Variants in HERC4 observed in about 807,000 individuals in gnomAD.
HERC4 encodes the protein probable E3 ubiquitin-protein ligase HERC4.
HERC4 carries 28 observed loss-of-function variants against 124.3 expected under a neutral mutation model. The ratio of observed to expected loss-of-function variants is 0.23; its 90% CI spans 0.17 to 0.31. HERC4 has a LOEUF of 0.31. Ranked by LOEUF, HERC4 falls within the 10% of genes least tolerant of loss-of-function variation. The probability of loss-of-function intolerance (pLI) is 1.00; values close to 1 mark genes in which losing one functional copy is unlikely to be tolerated. For missense variants in HERC4, 713 were observed against 1,229.3 expected (o/e 0.58, Z 6.28); for synonymous variants, 407 against 421.5 (o/e 0.97, Z 0.42).
chr10:67,959,624 T>C (rs2034373203), intron 16 of HERC4, among the ~76,000 whole-genome samples: 1 of 152,150 alleles, frequency 6.6e-6, no homozygotes, highest in South Asian at 2.1e-4. Flanking sequence ...ATAAATTGTT[T>C]TTATTTGACA....
intron 23 of HERC4, among the ~76,000 whole-genome samples, chr10:67,926,116 C>T (rs759587641): frequency 1.3e-5 from 2 of 152,150 alleles, no homozygotes; most frequent in African/African-American, 4.8e-5. Context: ...TAGTACTGGC[C>T]GGGCGCGGTG....
intron 16 of HERC4, chr10:67,959,077 T>C: frequency 6.4e-7 from 1 of 1,569,634 alleles, no homozygotes; most frequent in Non-Finnish European, 8.7e-7. Context: ...GGAGTATATT[T>C]TACTCTAAAC....
chr10:68,042,041 G>A (rs901430736), intron 4 of HERC4, among the ~76,000 whole-genome samples: 1 of 152,014 alleles, frequency 6.6e-6, no homozygotes, highest in African/African-American at 2.4e-5. Context: ...TTTTGAGATG[G>A]AGTCTCGCTC....
At position 67,922,048 on chromosome 10, in the gene HERC4, AAGCATC is replaced by A. The variant is rs1475829937; in HGVS notation, c.*877_*882del. The A allele has an allele frequency of 6.6e-6, 1 of 152,228 alleles. No homozygotes were observed. Among genetic ancestry groups the A allele is most frequent in the Non-Finnish European group, 1.5e-5 (1 of 68,034 alleles). The allele number at this position is 152,228 out of a possible 1,614,324, so 9.4% of individuals were successfully genotyped here. The stretch of plus-strand genomic sequence containing the variant: ...TACAATTTAATGGCATGAGACAACT[AAGCATC>A]AGCACCATAAAACTGTTAAGATTTG... On this transcript the variant is annotated 3_prime_UTR_variant, in exon 25 of 25. Transcript: ENST00000373700.
chr10:67,937,795 C>T (rs553338427), intron 21 of HERC4, among the ~76,000 whole-genome samples: 1 of 151,730 alleles, frequency 6.6e-6, no homozygotes, highest in South Asian at 2.1e-4. Context: ...ATTCTCCTGC[C>T]TCAGCCTCCC....
intron 19 of HERC4, among the ~76,000 whole-genome samples, chr10:67,946,380 C>CACACAT (rs1396932262): frequency 1.3e-5 from 2 of 150,950 alleles, no homozygotes; most frequent in Non-Finnish European, 3.0e-5. Context: ...CACACACACA[C>CACACAT]ACACACACAC....
chr10:67,957,754 A>G (rs1375937313), intron 16 of HERC4, among the ~76,000 whole-genome samples: 3 of 152,150 alleles, frequency 2.0e-5, no homozygotes, highest in Non-Finnish European at 4.4e-5. Context: ...AAGAATTAAT[A>G]CACCCTAAAA....
At chr10:67,925,267 T>C (rs1180265761) in intron 23 of HERC4, 80 bp from the exon 24 acceptor site, 1 of 738,298 alleles carries the variant, frequency 1.4e-6, no homozygotes, top group Non-Finnish European at 2.3e-6. Context: ...CATGGTCCAG[T>C]AGTTTGCAAC....
chr10:68,011,388 A>G (rs936655631), intron 9 of HERC4, among the ~76,000 whole-genome samples: 7 of 152,344 alleles, frequency 4.6e-5, no homozygotes, highest in South Asian at 4.1e-4. Flanking sequence ...AGGAATCACT[A>G]TATGTGGTAA....
intron 4 of HERC4, among the ~76,000 whole-genome samples, chr10:68,041,381 A>G (rs2039760029): frequency 1.3e-5 from 2 of 152,168 alleles, no homozygotes; most frequent in African/African-American, 4.8e-5. Context: ...GACCTACTCT[A>G]TACCATTAAA....
intron 21 of HERC4, among the ~76,000 whole-genome samples, chr10:67,937,032 G>T (rs2032424559): frequency 6.6e-6 from 1 of 152,146 alleles, no homozygotes; most frequent in Non-Finnish European, 1.5e-5. Context: ...TAAACTAGAG[G>T]AAGTGTGAAA....
chr10:67,923,138 T>C lies in HERC4; in HGVS notation c.2943A>G (p.Leu981=), dbSNP rs1178717662. 12 of 1,610,114 alleles carry C rather than the reference T, an allele frequency of 7.5e-6. No homozygotes were observed. The highest frequency in any genetic ancestry group is 1.0e-5 in the Non-Finnish European group (12 of 1,178,134). The change falls in exon 25 of 25, where the codon TTA becomes TTG. Residue 981 remains leucine, a splice_region_variant and synonymous_variant. Transcript: ENST00000373700. ...GAATGCGATCACTACCTGTCAAAAA[T>C]ACTGCCAAGAAAGAAATCATTCAGT... ...LPLEKKKQFL[L]FLTGSDRIPI...
At chr10:67,985,035 G>T (rs1459358327) in intron 15 of HERC4, among the ~76,000 whole-genome samples, 1 of 152,134 alleles carries the variant, frequency 6.6e-6, no homozygotes, top group Non-Finnish European at 1.5e-5. Flanking sequence ...ATACGTTTTT[G>T]AAAAGAAATG....
intron 8 of HERC4, 86 bp from the exon 9 acceptor site, chr10:68,014,272 G>T: frequency 8.2e-7 from 1 of 1,220,810 alleles, no homozygotes; most frequent in African/African-American, 1.5e-5. Context: ...ATCAAAAGAG[G>T]TAATTTTTCT....
intron 19 of HERC4, among the ~76,000 whole-genome samples, chr10:67,948,837 C>T (rs1313963057): frequency 6.6e-6 from 1 of 152,084 alleles, no homozygotes; most frequent in Non-Finnish European, 1.5e-5. Context: ...ACAAGAATGG[C>T]TTGAACATGG....
chr10:68,027,380 C>T (rs2038958216), intron 7 of HERC4, among the ~76,000 whole-genome samples: 1 of 151,990 alleles, frequency 6.6e-6, no homozygotes, highest in Non-Finnish European at 1.5e-5. Context: ...TATTTTCAAA[C>T]AAAACAAAAA....
At position 68,034,127 on chromosome 10, in the gene HERC4, A is replaced by T. The variant is rs753067726; in HGVS notation, c.523T>A (p.Cys175Ser). 66 of 1,614,038 alleles carry T rather than the reference A, an allele frequency of 4.1e-5. No homozygotes were observed. The Middle Eastern group carries it at 4.9e-4, about 12-fold the overall frequency. The change falls in exon 6 of 25, where the codon TGT becomes AGT. Residue 175 changes from cysteine (C) to serine (S), a missense_variant. By Grantham distance (112) the Cys-to-Ser change is moderately radical. Coordinates refer to ENST00000373700, the MANE Select transcript of HERC4 (RefSeq NM_015601.4). ...AGCTGCGGTGAAGTTTGCTTTTTAC[A>T]GTCAGTACCTAAACCCAATTGGCCA... Reference protein sequence around the residue: ...KYGQLGLGTDCKKQTSPQLLK... With the variant: ...KYGQLGLGTDSKKQTSPQLLK...
chr10:67,996,204 C>T (rs192477042), intron 9 of HERC4: 34 of 419,912 alleles, frequency 8.1e-5, no homozygotes, highest in African/African-American at 2.7e-4. Context: ...CCCAAGAGGT[C>T]GAGGGTGGAG....
intron 3 of HERC4, among the ~76,000 whole-genome samples, chr10:68,046,559 T>C (rs1428214365): frequency 6.6e-6 from 1 of 152,224 alleles, no homozygotes; most frequent in African/African-American, 2.4e-5. Context: ...ATAAGCGTCC[T>C]AGCCCTCAAT....
Sources: allele counts gnomAD v4.1 joint callset (sites outside exome capture counted in the v4.1 genomes callset), GRCh38; gene constraint gnomAD v4.1.1; transcripts MANE v1.5; gene names NCBI Gene and HGNC (gene_info 2026-07-23, HGNC 2026-07-21).